NLGN1: variants seen among roughly 807,000 people sequenced by gnomAD.
NLGN1 encodes neuroligin-1.
NLGN1 carries 12 observed loss-of-function variants against 65.5 expected under a neutral mutation model. The ratio of observed to expected loss-of-function variants is 0.18; its 90% CI spans 0.12 to 0.30. The LOEUF (loss-of-function observed/expected upper bound fraction) is 0.30. Among genes scored for constraint, NLGN1 ranks in the 10% least tolerant of loss-of-function variants. NLGN1 has a pLI of 1.00. For synonymous variants in NLGN1, 350 were observed against 359.5 expected, an observed-to-expected ratio of 0.97 and a Z score of 0.30; for missense variants, 750 against 1,007.1, an observed-to-expected ratio of 0.74 and a Z score of 3.46.
intron 2 of NLGN1, among the ~76,000 whole-genome samples, chr3:173,556,341 G>A (rs929522859): frequency 5.3e-5 from 8 of 152,062 alleles, no homozygotes; most frequent in Admixed American, 3.9e-4. Context: ...GATTCTAGCT[G>A]TCAGTTTCTC....
chr3:173,589,391 A>AG (rs150333653), intron 2 of NLGN1, among the ~76,000 whole-genome samples: 1,591 of 152,284 alleles, frequency 0.01, 39 homozygotes, highest in African/African-American at 0.037. Context: ...GAGGTGCTGT[A>AG]GGTGGTGCTT....
chr3:173,864,988 G>C (rs1171064070), intron 4 of NLGN1, among the ~76,000 whole-genome samples: 1 of 152,136 alleles, frequency 6.6e-6, no homozygotes, highest in African/African-American at 2.4e-5. Context: ...ATAACAAAAA[G>C]TATATTTAGA....
upstream of NLGN1, chr3:173,397,796 G>T (rs1344750856): frequency 6.6e-6 from 1 of 152,160 alleles, no homozygotes; most frequent in African/African-American, 2.4e-5. Flanking sequence ...GCGCCCGGGC[G>T]GCCAGCGCCG....
chr3:174,116,330 C>CTTTTTTTTT lies in NLGN1; in HGVS notation c.647-158966_647-158958dup, dbSNP rs1168837585. On this transcript the variant is annotated intron_variant, in intron 4 of 6. Transcript: ENST00000457714. ...ACATGTAAGTTTTTTTCTGGGTTTT[C>CTTTTTTTTT]TTTTTTTTTTTTTTTTTTTTTTTTT... Among the ~76,000 whole-genome samples the CTTTTTTTTT allele has an allele frequency of 5.8e-3, 402 of 69,654 alleles. 42 individuals carry two copies. The highest frequency in any genetic ancestry group is 8.4e-3 in the East Asian group (18 of 2,150). The allele number at this position is 69,654 out of a possible 152,430, so 45.7% of individuals were successfully genotyped here.
intron 1 of NLGN1, among the ~76,000 whole-genome samples, chr3:173,419,625 G>A (rs977495844): frequency 3.1e-4 from 47 of 152,276 alleles, no homozygotes; most frequent in African/African-American, 1.1e-3. Context: ...ATAGGCATGA[G>A]CCACTGTGCC....
intron 2 of NLGN1, among the ~76,000 whole-genome samples, chr3:173,455,534 G>T (rs1462452175): frequency 6.6e-6 from 1 of 152,022 alleles, no homozygotes; most frequent in Non-Finnish European, 1.5e-5. Context: ...TAAATATTTT[G>T]AGAATTACCA....
At chr3:173,434,489 TTTAA>T (rs768116928) in intron 1 of NLGN1, among the ~76,000 whole-genome samples, 13 of 152,212 alleles carry the variant, frequency 8.5e-5, no homozygotes, top group Non-Finnish European at 1.9e-4. Flanking sequence ...TATACTTTTG[TTTAA>T]AGTGCAGACA....
At chr3:174,212,763 C>A (rs1198073865) in intron 4 of NLGN1, among the ~76,000 whole-genome samples, 1 of 152,212 alleles carries the variant, frequency 6.6e-6, no homozygotes, top group Non-Finnish European at 1.5e-5. Flanking sequence ...GACACTGGTT[C>A]CATTAGATTA....
intron 3 of NLGN1, among the ~76,000 whole-genome samples, chr3:173,689,919 G>T (rs1225552870): frequency 6.6e-6 from 1 of 151,758 alleles, no homozygotes; most frequent in African/African-American, 2.4e-5. Context: ...GAGGAATGGG[G>T]GTCAGATAAA....
At chr3:174,225,856 G>A (rs1409280359) in intron 4 of NLGN1, among the ~76,000 whole-genome samples, 1 of 152,000 alleles carries the variant, frequency 6.6e-6, no homozygotes, top group Admixed American at 6.6e-5. Flanking sequence ...GTTTTGTTTT[G>A]GTTTTGCATC....
At chr3:174,086,367 T>C (rs1333723921) in intron 4 of NLGN1, among the ~76,000 whole-genome samples, 1 of 32,862 alleles carries the variant, frequency 3.0e-5, no homozygotes, top group Non-Finnish European at 5.8e-5. Context: ...TTATATTATA[T>C]GATTGTTAAA....
chr3:174,123,360 TG>T (rs1191371950), intron 4 of NLGN1, among the ~76,000 whole-genome samples: 1 of 152,078 alleles, frequency 6.6e-6, no homozygotes, highest in Non-Finnish European at 1.5e-5. Flanking sequence ...GATTTCTGCC[TG>T]GGAGTTCATC....
chr3:173,557,340 C>T (rs1741881230), intron 2 of NLGN1, among the ~76,000 whole-genome samples: 1 of 151,952 alleles, frequency 6.6e-6, no homozygotes, highest in South Asian at 2.1e-4. Context: ...CCATTTCTGT[C>T]TTTATATTTG....
At position 173,492,201 on chromosome 3, in the gene NLGN1, G is replaced by A. The variant is rs570769613; in HGVS notation, c.-321+57123G>A. Among the ~76,000 whole-genome samples, 6 of 151,924 alleles carry A rather than the reference G, an allele frequency of 3.9e-5. No individual in the cohort carries two copies. The South Asian group carries it at 6.2e-4, about 16-fold the overall frequency. ...ATTTAAGGAAAAATGCACGAAAAGT[G>A]TTTAGTGCAGTATCTGACTTCTAGT... is the stretch of plus-strand genomic sequence containing the variant. On this transcript the variant is annotated intron_variant, in intron 2 of 6. Coordinates refer to ENST00000457714, the Ensembl canonical transcript of NLGN1.
At chr3:173,886,393 A>C (rs533118195) in intron 4 of NLGN1, among the ~76,000 whole-genome samples, 1 of 152,218 alleles carries the variant, frequency 6.6e-6, no homozygotes, top group Admixed American at 6.5e-5. Context: ...AGGTATAAAA[A>C]GAAGAAGAAG....
At chr3:173,583,271 T>G (rs1746687004) in intron 2 of NLGN1, among the ~76,000 whole-genome samples, 1 of 152,226 alleles carries the variant, frequency 6.6e-6, no homozygotes, top group South Asian at 2.1e-4. Flanking sequence ...ACAAAAAAAT[T>G]GTAGTAGATT....
chr3:173,583,108 C>T (rs1265294144), intron 2 of NLGN1, among the ~76,000 whole-genome samples: 1 of 152,210 alleles, frequency 6.6e-6, no homozygotes, highest in African/African-American at 2.4e-5. Flanking sequence ...TGAACCACAT[C>T]TGCATTGCCT....
At chr3:173,668,972 T>C (rs2149724545) in intron 3 of NLGN1, among the ~76,000 whole-genome samples, 1 of 152,328 alleles carries the variant, frequency 6.6e-6, no homozygotes, top group African/African-American at 2.4e-5. Context: ...TTCAAGGGTA[T>C]TCTGTGAAGA....
chr3:173,840,085 T>A (rs1724502664), intron 4 of NLGN1, among the ~76,000 whole-genome samples: 1 of 152,138 alleles, frequency 6.6e-6, no homozygotes, highest in South Asian at 2.1e-4. Context: ...TATGGCAATA[T>A]ATGTGACTCT....
Sources: allele counts gnomAD v4.1 joint callset (sites outside exome capture counted in the v4.1 genomes callset), GRCh38; gene constraint gnomAD v4.1.1; transcripts MANE v1.5; gene names NCBI Gene and HGNC (gene_info 2026-07-23, HGNC 2026-07-21).